The following GPC5 variants were observed in gnomAD, a reference collection of about 807,000 sequenced individuals.
GPC5 encodes the protein glypican-5.
A neutral mutation model predicts 53.9 loss-of-function variants in GPC5; 47 were observed. The ratio of observed to expected loss-of-function variants is 0.87; its 90% CI spans 0.69 to 1.11. The LOEUF (loss-of-function observed/expected upper bound fraction) is 1.11. GPC5 is among the 50% of genes most tolerant of loss of function. The pLI, the probability that GPC5 is intolerant of heterozygous loss-of-function variation, is 0.00. For missense variants in GPC5, 748 were observed against 713.1 expected (o/e 1.05, Z -0.56); for synonymous variants, 286 against 263.3 (o/e 1.09, Z -0.84).
At chr13:91,806,549 A>G (rs1273464566) in intron 5 of GPC5, among the ~76,000 whole-genome samples, 1 of 152,080 alleles carries the variant, frequency 6.6e-6, no homozygotes, top group East Asian at 1.9e-4. Flanking sequence ...TTTATTTTTG[A>G]AAGACTTTTC....
At chr13:92,388,476 C>G (rs1004383875) in intron 7 of GPC5, among the ~76,000 whole-genome samples, 7 of 152,080 alleles carry the variant, frequency 4.6e-5, no homozygotes, top group African/African-American at 1.7e-4. Flanking sequence ...TCATTTCCGA[C>G]AAAAGGGTTG....
intron 6 of GPC5, among the ~76,000 whole-genome samples, chr13:92,092,828 A>G (rs1472858956): frequency 6.6e-6 from 1 of 152,206 alleles, no homozygotes; most frequent in Non-Finnish European, 1.5e-5. Context: ...TTAACTGATT[A>G]ATAAATAAGA....
chr13:92,305,739 T>G (rs2043106191), intron 7 of GPC5, among the ~76,000 whole-genome samples: 1 of 152,202 alleles, frequency 6.6e-6, no homozygotes, highest in Non-Finnish European at 1.5e-5. Context: ...ACATTTTAAT[T>G]ATGTTTGGTA....
chr13:92,109,710 TTAAGG>T (rs1203846922), intron 6 of GPC5, among the ~76,000 whole-genome samples: 8 of 152,202 alleles, frequency 5.3e-5, no homozygotes, highest in African/African-American at 1.7e-4. Context: ...TTCAGGACTC[TTAAGG>T]TAAGAATAAT....
At chr13:91,868,220 C>T (rs1356532168) in intron 5 of GPC5, among the ~76,000 whole-genome samples, 5 of 152,082 alleles carry the variant, frequency 3.3e-5, no homozygotes, top group Non-Finnish European at 5.9e-5. Flanking sequence ...AGGAATTAGC[C>T]TTTAGTGAAG....
intron 2 of GPC5, among the ~76,000 whole-genome samples, chr13:91,687,457 G>A (rs2035647266): frequency 1.3e-5 from 2 of 152,004 alleles, no homozygotes. Context: ...GAATGTTAAT[G>A]TCGAAAATGG....
intron 2 of GPC5, among the ~76,000 whole-genome samples, chr13:91,511,617 C>A (rs1053736464): frequency 2.0e-5 from 3 of 152,090 alleles, no homozygotes; most frequent in Non-Finnish European, 4.4e-5. Context: ...GTTCGTTGAT[C>A]TTTTCATCTG....
intron 2 of GPC5, among the ~76,000 whole-genome samples, chr13:91,615,762 A>G (rs2033678857): frequency 6.6e-6 from 1 of 152,194 alleles, no homozygotes; most frequent in South Asian, 2.1e-4. Flanking sequence ...TACTCAATAC[A>G]GTTCTTATTT....
At chr13:92,436,422 G>A (rs912563931) in intron 7 of GPC5, among the ~76,000 whole-genome samples, 3 of 152,138 alleles carry the variant, frequency 2.0e-5, no homozygotes, top group African/African-American at 4.8e-5. Flanking sequence ...TGTATCCTTC[G>A]CTGGCATCCA....
intron 7 of GPC5, among the ~76,000 whole-genome samples, chr13:92,628,641 A>G (rs994479617): frequency 5.3e-5 from 8 of 152,194 alleles, no homozygotes; most frequent in African/African-American, 1.9e-4. Context: ...ACGATTTAAA[A>G]TGGTGGGCAT....
intron 2 of GPC5, among the ~76,000 whole-genome samples, chr13:91,614,995 A>T (rs1173467482): frequency 2.0e-5 from 3 of 152,148 alleles, no homozygotes; most frequent in Admixed American, 6.6e-5. Context: ...TCATTTATTC[A>T]TATATTTATC....
chr13:91,638,086 C>A (rs1221295013), intron 2 of GPC5, among the ~76,000 whole-genome samples: 1 of 152,184 alleles, frequency 6.6e-6, no homozygotes, highest in African/African-American at 2.4e-5. Flanking sequence ...GGCCCAGAAG[C>A]AATCTCTGTT....
chr13:91,828,884 A>G (rs1468047079), intron 5 of GPC5, among the ~76,000 whole-genome samples: 1 of 152,098 alleles, frequency 6.6e-6, no homozygotes, highest in East Asian at 1.9e-4. Flanking sequence ...AAGTCACTAA[A>G]TTGTAGGTAT....
intron 3 of GPC5, among the ~76,000 whole-genome samples, chr13:91,725,767 C>T (rs1048938665): frequency 2.0e-5 from 3 of 152,088 alleles, no homozygotes; most frequent in East Asian, 1.9e-4. Flanking sequence ...TGAGGTCTGA[C>T]GAGGGAGGGA....
chr13:91,572,126 TGTATATACACATATGTATATATAC>T (rs2031914631), intron 2 of GPC5, among the ~76,000 whole-genome samples: 1 of 144,204 alleles, frequency 6.9e-6, no homozygotes, highest in Admixed American at 6.9e-5. Context: ...TATATACGTG[TGTATATACACATATGTATATATAC>T]GTGTGTATAC....
intron 7 of GPC5, among the ~76,000 whole-genome samples, chr13:92,674,105 G>C (rs753074145): frequency 2.6e-5 from 4 of 152,110 alleles, no homozygotes; most frequent in Non-Finnish European, 5.9e-5. Flanking sequence ...CCATTTGATT[G>C]GCCGTGTAAC....
At chr13:92,615,825 C>A (rs1594350814) in intron 7 of GPC5, among the ~76,000 whole-genome samples, 2 of 152,172 alleles carry the variant, frequency 1.3e-5, no homozygotes, top group South Asian at 4.1e-4. Flanking sequence ...GAGGCCGAGG[C>A]GGGTGGATCA....
At chr13:92,080,034 T>C (rs542693613) in intron 6 of GPC5, among the ~76,000 whole-genome samples, 17 of 152,356 alleles carry the variant, frequency 1.1e-4, no homozygotes, top group African/African-American at 3.8e-4. Context: ...GGTTGTTTAA[T>C]TCATGGGTAT....
chr13:92,779,320 T>C (rs2148225), intron 7 of GPC5, among the ~76,000 whole-genome samples: 25,888 of 151,964 alleles, frequency 0.17, 2,433 homozygotes, highest in East Asian at 0.32. Flanking sequence ...TGGGAATTGT[T>C]GGAGTTAGAA....
Sources: allele counts gnomAD v4.1 joint callset (sites outside exome capture counted in the v4.1 genomes callset), GRCh38; gene constraint gnomAD v4.1.1; transcripts MANE v1.5; gene names NCBI Gene and HGNC (gene_info 2026-07-23, HGNC 2026-07-21).